The following CGGBP1 variants were observed in gnomAD, a reference collection of about 807,000 sequenced individuals.
The protein encoded by CGGBP1 is CGG triplet repeat-binding protein 1.
Under a neutral mutation model 11.4 loss-of-function variants are expected in CGGBP1, and 4 were observed. The observed-to-expected ratio is 0.35, with a 90% CI of 0.17 to 0.80. The LOEUF (loss-of-function observed/expected upper bound fraction) is 0.80, where lower values mean the gene tolerates loss of function less well. CGGBP1 is among the 30% of genes least tolerant of loss of function. The pLI is 0.52. For synonymous variants in CGGBP1, 76 were observed against 74.1 expected (o/e 1.03, Z -0.13); for missense variants, 135 against 202.1 (o/e 0.67, Z 2.01).
At chr3:88,116,979 G>C (rs1417248031) in intron 2 of CGGBP1, among the ~76,000 whole-genome samples, 17 of 152,128 alleles carry the variant, frequency 1.1e-4, no homozygotes, top group Non-Finnish European at 1.5e-4. Flanking sequence ...GGAAAGATAA[G>C]ACAGTTTAAA....
intron 2 of CGGBP1, among the ~76,000 whole-genome samples, chr3:88,076,879 C>G (rs1427528255): frequency 6.6e-6 from 1 of 152,146 alleles, no homozygotes; most frequent in African/African-American, 2.4e-5. Flanking sequence ...ACCTAAGCTG[C>G]CACATGGAGG....
chr3:88,134,103 TAA>T (rs749235741), intron 2 of CGGBP1, among the ~76,000 whole-genome samples: 7 of 142,262 alleles, frequency 4.9e-5, no homozygotes, highest in Admixed American at 7.0e-5. Flanking sequence ...GAGTGTGAGT[TAA>T]AAAAAAAAAA....
In CGGBP1 at chr3:88,143,020, G is replaced by C. The variant is rs554462967; in HGVS notation, c.-337-1942C>G. ...AAAACAGGGATTAAAATAACAAAAAGGCAGTGTTTCAAAACAGATCTCCTA... is the reference window on the plus strand; with the variant it reads ...AAAACAGGGATTAAAATAACAAAAACGCAGTGTTTCAAAACAGATCTCCTA... On this transcript the variant is annotated intron_variant, in intron 1 of 3. Coordinates refer to the CGGBP1 transcript ENST00000462901. 3 of 152,260 alleles carry C rather than the reference G, an allele frequency of 2.0e-5. No individual in the cohort carries two copies. The South Asian group carries it at 6.2e-4, about 32-fold the overall frequency. 9.4% of individuals were successfully genotyped at this position (152,260 alleles called of 1,614,324 possible). A position where few individuals can be genotyped will look rare whatever the true frequency, so the allele number is the denominator to read the frequency against.
At chr3:88,101,269 T>A (rs1483536709) in intron 2 of CGGBP1, among the ~76,000 whole-genome samples, 1 of 152,218 alleles carries the variant, frequency 6.6e-6, no homozygotes, top group Non-Finnish European at 1.5e-5. Context: ...CATGCTCATT[T>A]GCATTCAGTC....
intron 2 of CGGBP1, among the ~76,000 whole-genome samples, chr3:88,112,027 A>AT (rs1275939366): frequency 1.3e-5 from 2 of 151,914 alleles, no homozygotes; most frequent in Non-Finnish European, 2.9e-5. Flanking sequence ...AAGCATTTAA[A>AT]TTAAGGAAAT....
chr3:88,067,758 G>C (rs1430682168), intron 2 of CGGBP1, among the ~76,000 whole-genome samples: 3 of 152,154 alleles, frequency 2.0e-5, no homozygotes, highest in African/African-American at 7.2e-5. Context: ...TCAGTAGTCA[G>C]GTTGGAGTAG....
chr3:88,138,998 G>A, intron 2 of CGGBP1: 1 of 1,245,320 alleles, frequency 8.0e-7, no homozygotes, highest in Non-Finnish European at 1.0e-6. Flanking sequence ...TTTTGAAAAA[G>A]GGATTGTTTT....
rs1338465918 is a variant in CGGBP1 at position 88,137,892 on chromosome 3, G to GATATAT, written c.-229+3072_-229+3077dup. On this transcript the variant is annotated intron_variant, in intron 2 of 3. Transcript: ENST00000462901. ...ATACTATACCATATGTAGGCAGTATGATATATATACATATATATGATGTTA... is the reference window on the plus strand; with the variant it reads ...ATACTATACCATATGTAGGCAGTATGATATATATATATATACATATATATGATGTTA... 2.4e-3 allele frequency among the ~76,000 whole-genome samples: 363 copies of GATATAT among 151,814 alleles called. 1 individual carries two copies. The highest frequency in any genetic ancestry group is 8.5e-3 in the African/African-American group (351 of 41,374).
At chr3:88,128,598 T>C (rs1706262124) in intron 2 of CGGBP1, among the ~76,000 whole-genome samples, 1 of 152,134 alleles carries the variant, frequency 6.6e-6, no homozygotes, top group African/African-American at 2.4e-5. Flanking sequence ...AATCAACAAA[T>C]ATTTCTTGAG....
chr3:88,123,447 AT>A (rs1205542101), intron 2 of CGGBP1, among the ~76,000 whole-genome samples: 1 of 152,172 alleles, frequency 6.6e-6, no homozygotes, highest in East Asian at 1.9e-4. Context: ...TAATGTAATC[AT>A]TTATGGGAGT....
At chr3:88,064,315 C>CCT (rs2107590970) in intron 2 of CGGBP1, among the ~76,000 whole-genome samples, 1 of 152,264 alleles carries the variant, frequency 6.6e-6, no homozygotes, top group African/African-American at 2.4e-5. Context: ...GACTATCTTA[C>CCT]TGTCTCACTA....
chr3:88,095,805 A>G, intron 2 of CGGBP1: 2 of 444,044 alleles, frequency 4.5e-6, no homozygotes, highest in Non-Finnish European at 8.7e-6. Flanking sequence ...AAGGCAATCC[A>G]AGTTTTTCTC....
intron 1 of CGGBP1, chr3:88,143,035 C>G: frequency 6.6e-6 from 1 of 152,200 alleles, no homozygotes; most frequent in Non-Finnish European, 1.5e-5. Context: ...TGTTTCAAAA[C>G]AGATCTCCTA....
chr3:88,120,320 A>G (rs1705690288), intron 2 of CGGBP1, among the ~76,000 whole-genome samples: 1 of 152,202 alleles, frequency 6.6e-6, no homozygotes, highest in Non-Finnish European at 1.5e-5. Context: ...GTTTACAGTA[A>G]TGTATATGGC....
chr3:88,122,882 C>T (rs768814453), intron 2 of CGGBP1, among the ~76,000 whole-genome samples: 2 of 151,248 alleles, frequency 1.3e-5, no homozygotes, highest in Non-Finnish European at 3.0e-5. Flanking sequence ...TGGTGGTGGG[C>T]GCCTGTAATC....
At chr3:88,075,808 G>T (rs777994348) in intron 2 of CGGBP1, among the ~76,000 whole-genome samples, 1 of 151,222 alleles carries the variant, frequency 6.6e-6, no homozygotes, top group Admixed American at 6.6e-5. Flanking sequence ...AGTGTCTTCC[G>T]TAATGTTAGA....
intron 2 of CGGBP1, among the ~76,000 whole-genome samples, chr3:88,109,384 A>C (rs993662865): frequency 1.3e-5 from 2 of 152,142 alleles, no homozygotes; most frequent in Admixed American, 1.3e-4. Context: ...TTAAAAGTTG[A>C]GTGTTTTAAA....
At chr3:88,105,009 G>A (rs771037049) in intron 2 of CGGBP1, among the ~76,000 whole-genome samples, 2 of 152,182 alleles carry the variant, frequency 1.3e-5, no homozygotes, top group Non-Finnish European at 2.9e-5. Flanking sequence ...GTGTGGTGGC[G>A]CGCGCCTGTA....
At chr3:88,125,494 A>G (rs181462058) in intron 2 of CGGBP1, among the ~76,000 whole-genome samples, 1 of 91,808 alleles carries the variant, frequency 1.1e-5, no homozygotes, top group Admixed American at 1.3e-4. Flanking sequence ...TTAACAATAC[A>G]TCTTTATCTT....
Sources: gnomAD v4.1 joint callset for allele counts (sites outside exome capture counted in the v4.1 genomes callset) on GRCh38, gnomAD v4.1.1 for gene constraint, MANE v1.5 for transcripts, NCBI Gene and HGNC (gene_info 2026-07-23, HGNC 2026-07-21) for gene names.